Variants in CCNC observed in about 807,000 individuals in gnomAD.
CCNC encodes the protein cyclin C.
A neutral mutation model predicts 50.0 loss-of-function variants in CCNC; 19 were observed. That is an observed-to-expected ratio of 0.38 (90% CI 0.27 to 0.56). The LOEUF is 0.56. Among genes scored for constraint, CCNC ranks in the 20% least tolerant of loss-of-function variants. CCNC has a pLI of 0.72. For missense variants in CCNC, 200 were observed against 327.1 expected (o/e 0.61, Z 3.00); for synonymous variants, 93 against 103.7 (o/e 0.90, Z 0.63).
In CCNC at chr6:99,542,527, A is replaced by T. The variant is rs1801922545; in HGVS notation, c.*1028T>A. On this transcript the variant is annotated 3_prime_UTR_variant, in exon 12 of 12. Transcript: ENST00000520429. ...CCTATGACTCCAAATTTTATTTATC[A>T]CTCTCCTTCAAGTCTGAAGAAAATG... 6.6e-6 allele frequency: 1 copy of T among 152,548 alleles called. No individual in the cohort carries two copies. Among genetic ancestry groups the T allele is most frequent in the South Asian group, 2.1e-4 (1 of 4,830 alleles). 9.4% of individuals were successfully genotyped at this position (152,548 alleles called of 1,614,324 possible).
intron 9 of CCNC, among the ~76,000 whole-genome samples, chr6:99,548,802 C>CAA (rs71021744): frequency 1.1e-4 from 12 of 106,528 alleles, no homozygotes; most frequent in African/African-American, 3.1e-4. Flanking sequence ...GACTCCATCT[C>CAA]AAAAAAAAAA....
At chr6:99,547,526 A>G (rs1583569444) in intron 9 of CCNC, among the ~76,000 whole-genome samples, 1 of 152,172 alleles carries the variant, frequency 6.6e-6, no homozygotes, top group Non-Finnish European at 1.5e-5. Flanking sequence ...AATAGTATGT[A>G]TATCAATTGG....
chr6:99,552,840 C>T (rs759493048), intron 5 of CCNC, among the ~76,000 whole-genome samples: 7 of 152,018 alleles, frequency 4.6e-5, no homozygotes, highest in Admixed American at 1.3e-4. Flanking sequence ...GTCAGGAGTT[C>T]GAGACCTCCT....
At chr6:99,546,888 G>A (rs330808) in intron 9 of CCNC, among the ~76,000 whole-genome samples, 129,866 of 152,220 alleles carry the variant, frequency 0.85, 56,066 homozygotes, top group East Asian at 0.99. Context: ...AATGTTGACT[G>A]TGTTTCCACA....
rs1801924962 is a variant in CCNC at position 99,542,605 on chromosome 6, TATG to T, written c.*947_*949del. On this transcript the variant is annotated 3_prime_UTR_variant, in exon 12 of 12. Coordinates refer to ENST00000520429, the MANE Select transcript of CCNC (RefSeq NM_005190.4). ...ACAGTCCCACTGACATAACATTTAG[TATG>T]ATGTCCTACTCTCATATTAGAATTA... The T allele has an allele frequency of 6.6e-6, 1 of 152,632 alleles. No individual in the cohort carries two copies. Among genetic ancestry groups the T allele is most frequent in the Non-Finnish European group, 1.5e-5 (1 of 68,018 alleles). The allele number at this position is 152,632 out of a possible 1,614,324, so 9.5% of individuals were successfully genotyped here. A position where few individuals can be genotyped will look rare whatever the true frequency, so the allele number is the denominator to read the frequency against.
chr6:99,559,574 T>C lies in CCNC; in HGVS notation c.295-1026A>G, dbSNP rs549552088. On this transcript the variant is annotated intron_variant, in intron 4 of 11. Transcript: ENST00000520429. Reference sequence around the variant, plus strand: ...TAACTGAAAAGAAAAAGTAAAAGCCTGAGACATGTTCTTAAATGAGCTTTC... The same window carrying C: ...TAACTGAAAAGAAAAAGTAAAAGCCCGAGACATGTTCTTAAATGAGCTTTC... Among the ~76,000 whole-genome samples, 11 of 152,172 alleles carry C rather than the reference T, an allele frequency of 7.2e-5. No individual in the cohort carries two copies. In the South Asian group the frequency reaches 2.3e-3, roughly 32 times the overall value.
chr6:99,543,706 C>A, intron 11 of CCNC, 97 bp from the exon 12 acceptor site: 1 of 1,543,830 alleles, frequency 6.5e-7, no homozygotes, highest in Non-Finnish European at 8.8e-7. Flanking sequence ...TATTCTGTGG[C>A]ACAACTATAC....
chr6:99,565,187 T>G (rs1769067468), intron 1 of CCNC, among the ~76,000 whole-genome samples: 1 of 152,078 alleles, frequency 6.6e-6, no homozygotes, highest in Non-Finnish European at 1.5e-5. Flanking sequence ...TTTAGAAGCA[T>G]TATGTCGAGT....
chr6:99,558,569 A>C, intron 4 of CCNC, 21 bp from the exon 5 acceptor site: 1 of 1,590,992 alleles, frequency 6.3e-7, no homozygotes, highest in African/African-American at 1.4e-5. Flanking sequence ...AAAAGCAGGT[A>C]CATGTTAACC....
At chr6:99,549,742 A>C (rs1010721003) in intron 8 of CCNC, 167 bp from the exon 9 acceptor site, 3 of 492,536 alleles carry the variant, frequency 6.1e-6, no homozygotes, top group Non-Finnish European at 1.1e-5. Flanking sequence ...GGATGGATAC[A>C]TGAATGTGAC....
rs530050456 is a variant in CCNC at position 99,561,948 on chromosome 6, T to C, written c.140-267A>G. 5.5e-5 allele frequency: 12 copies of C among 218,860 alleles called. No individual in the cohort carries two copies. In the East Asian group the frequency reaches 5.8e-4, roughly 11 times the overall value. 13.6% of individuals were successfully genotyped at this position (218,860 alleles called of 1,614,324 possible). ...AAAAATTATTCATCCATTAAGGAAGTTGAATAAATATTTCCCCTCTATCTT... is the reference window on the plus strand; with the variant it reads ...AAAAATTATTCATCCATTAAGGAAGCTGAATAAATATTTCCCCTCTATCTT... On this transcript the variant is annotated intron_variant, in intron 2 of 11. Coordinates refer to ENST00000520429, the MANE Select transcript of CCNC (RefSeq NM_005190.4).
intron 1 of CCNC, among the ~76,000 whole-genome samples, chr6:99,564,805 G>T (rs1769048570): frequency 6.6e-6 from 1 of 152,120 alleles, no homozygotes; most frequent in Non-Finnish European, 1.5e-5. Context: ...TTTCATGTTT[G>T]TCAGGCATAG....
intron 5 of CCNC, among the ~76,000 whole-genome samples, chr6:99,555,208 A>T (rs139333379): frequency 3.0e-4 from 45 of 152,202 alleles, no homozygotes; most frequent in African/African-American, 1.0e-3. Flanking sequence ...ATCATTTCCA[A>T]AGCTACTTAT....
chr6:99,550,689 C>T, intron 7 of CCNC: 1 of 246,582 alleles, frequency 4.1e-6, no homozygotes, highest in South Asian at 9.5e-5. Context: ...ACTGCACGCA[C>T]ACACAAATTG....
intron 1 of CCNC, among the ~76,000 whole-genome samples, chr6:99,563,448 T>C (rs1768942265): frequency 6.6e-6 from 1 of 152,190 alleles, no homozygotes; most frequent in Admixed American, 6.5e-5. Context: ...GATAGCCTCC[T>C]CCTCTTGCCT....
intron 1 of CCNC, among the ~76,000 whole-genome samples, chr6:99,564,955 T>C (rs1298462474): frequency 6.6e-6 from 1 of 152,148 alleles, no homozygotes; most frequent in East Asian, 1.9e-4. Flanking sequence ...CAGCTAAATA[T>C]GTTGTCAAAT....
intron 5 of CCNC, among the ~76,000 whole-genome samples, chr6:99,552,508 T>TATA (rs1273713618): frequency 6.6e-6 from 1 of 152,142 alleles, no homozygotes; most frequent in Non-Finnish European, 1.5e-5. Context: ...AGTACTCTAT[T>TATA]ATCTATTACT....
chr6:99,566,149 T>A (rs1350299559), intron 1 of CCNC, among the ~76,000 whole-genome samples: 2 of 152,162 alleles, frequency 1.3e-5, no homozygotes, highest in Admixed American at 1.3e-4. Context: ...TATTTTTGTA[T>A]CATTCCTTTT....
At chr6:99,553,139 A>G (rs1487389716) in intron 5 of CCNC, among the ~76,000 whole-genome samples, 2 of 152,220 alleles carry the variant, frequency 1.3e-5, no homozygotes, top group Non-Finnish European at 2.9e-5. Context: ...TTAGATGTGT[A>G]ATATCTGCCA....
Sources: allele counts gnomAD v4.1 joint callset (sites outside exome capture counted in the v4.1 genomes callset), GRCh38; gene constraint gnomAD v4.1.1; transcripts MANE v1.5; gene names NCBI Gene and HGNC (gene_info 2026-07-23, HGNC 2026-07-21).